GARIN1B: variants seen among roughly 807,000 people sequenced by gnomAD.
GARIN1B encodes golgi associated RAB2 interactor 1B.
chr7:128,729,754 C>A, the GARIN1B span: 1 of 798,656 alleles, frequency 1.3e-6, no homozygotes, highest in Non-Finnish European at 2.0e-6. Flanking sequence ...TCTGACCTCA[C>A]AGAGGTGAGG....
At chr7:128,720,734 T>C in the GARIN1B span, among the ~76,000 whole-genome samples, 4 of 152,216 alleles carry the variant, frequency 2.6e-5, no homozygotes, top group East Asian at 7.7e-4. Flanking sequence ...CCTTCCCACA[T>C]TGAATTGTCT....
chr7:128,718,793 A>C, the GARIN1B span: 2 of 1,603,770 alleles, frequency 1.2e-6, no homozygotes, highest in Non-Finnish European at 1.7e-6. Context: ...ATTGGATGCA[A>C]TAGGGTTGTC....
the GARIN1B span, chr7:128,715,282 A>G: frequency 4.1e-6 from 6 of 1,446,284 alleles, no homozygotes; most frequent in Non-Finnish European, 5.4e-6. Flanking sequence ...GCTCCTTTGC[A>G]CTTCCCCTTC....
the GARIN1B span, among the ~76,000 whole-genome samples, chr7:128,713,079 T>A: frequency 6.6e-6 from 1 of 152,108 alleles, no homozygotes; most frequent in African/African-American, 2.4e-5. Flanking sequence ...TCAAGGCGGT[T>A]GGATTACTTA....
At chr7:128,712,968 C>T in the GARIN1B span, among the ~76,000 whole-genome samples, 1 of 152,150 alleles carries the variant, frequency 6.6e-6, no homozygotes, top group African/African-American at 2.4e-5. Context: ...ATCTTTCTTA[C>T]AGGAGACCTG....
At chr7:128,729,785 C>T in the GARIN1B span, 65 of 1,082,168 alleles carry the variant, frequency 6.0e-5, 1 homozygote, top group African/African-American at 3.6e-4. Context: ...CATGAATGCA[C>T]GTAATTGTTT....
At chr7:128,713,883 A>G in the GARIN1B span, 5 of 987,580 alleles carry the variant, frequency 5.1e-6, no homozygotes, top group South Asian at 7.2e-5. Flanking sequence ...GTATCAATTT[A>G]TTAATTACTA....
At chr7:128,731,184 G>A in the GARIN1B span, 17 of 1,369,808 alleles carry the variant, frequency 1.2e-5, no homozygotes, top group Non-Finnish European at 1.8e-5. Context: ...CAGCTGCTGA[G>A]GGATTATCGG....
chr7:128,730,712 T>G, the GARIN1B span, among the ~76,000 whole-genome samples: 1 of 152,028 alleles, frequency 6.6e-6, no homozygotes, highest in African/African-American at 2.4e-5. Flanking sequence ...AGTGGCATGA[T>G]CTTGGCTCAC....
the GARIN1B span, among the ~76,000 whole-genome samples, chr7:128,714,620 C>G: frequency 5.9e-5 from 9 of 151,904 alleles, 1 homozygote; most frequent in East Asian, 1.7e-3. Context: ...AATTAGAAAA[C>G]AGTTTCTCCC....
At chr7:128,720,216 T>TA in the GARIN1B span, among the ~76,000 whole-genome samples, 5 of 151,548 alleles carry the variant, frequency 3.3e-5, no homozygotes, top group Non-Finnish European at 7.4e-5. Flanking sequence ...TTTTTTTTTT[T>TA]TTGAAACAGT....
At chr7:128,712,882 T>C in the GARIN1B span, among the ~76,000 whole-genome samples, 1 of 152,234 alleles carries the variant, frequency 6.6e-6, no homozygotes, top group Non-Finnish European at 1.5e-5. Context: ...AAGTTATTGG[T>C]AAATAATTTT....
chr7:128,714,914 G>A, the GARIN1B span, among the ~76,000 whole-genome samples: 3 of 152,070 alleles, frequency 2.0e-5, no homozygotes, highest in Non-Finnish European at 4.4e-5. Context: ...AGCCTGCCGC[G>A]GCAGAATGCA....
chr7:128,725,700 A>C, the GARIN1B span, among the ~76,000 whole-genome samples: 8 of 152,302 alleles, frequency 5.3e-5, no homozygotes, highest in Non-Finnish European at 1.2e-4. Flanking sequence ...TTACTATTTA[A>C]AGAACCGTTT....
chr7:128,711,192 G>C, the GARIN1B span, among the ~76,000 whole-genome samples: 1 of 151,922 alleles, frequency 6.6e-6, no homozygotes, highest in African/African-American at 2.4e-5. Context: ...ATCTTACGGA[G>C]ATCTCGTGAT....
chr7:128,728,151 T>C, the GARIN1B span, among the ~76,000 whole-genome samples: 40,217 of 152,046 alleles, frequency 0.26, 5,887 homozygotes, highest in Non-Finnish European at 0.33. Flanking sequence ...GTGGTATAAA[T>C]GGGTAAAGGG....
At chr7:128,718,640 G>A in the GARIN1B span, among the ~76,000 whole-genome samples, 77 of 152,284 alleles carry the variant, frequency 5.1e-4, no homozygotes, top group Admixed American at 1.0e-3. Context: ...GTGTCTTCAG[G>A]TGTCTGCATT....
chr7:128,712,394 G>A, the GARIN1B span, among the ~76,000 whole-genome samples: 22 of 152,108 alleles, frequency 1.4e-4, 1 homozygote, highest in East Asian at 1.9e-3. Context: ...TCACTGTTTT[G>A]CAACCATCAC....
chr7:128,730,566 G>GA, the GARIN1B span, among the ~76,000 whole-genome samples: 1 of 152,124 alleles, frequency 6.6e-6, no homozygotes, highest in African/African-American at 2.4e-5. Flanking sequence ...CTTCCTATGT[G>GA]CCTCTGTTTG....
Sources: gnomAD v4.1 joint callset for allele counts (sites outside exome capture counted in the v4.1 genomes callset) on GRCh38, gnomAD v4.1.1 for gene constraint, MANE v1.5 for transcripts, NCBI Gene and HGNC (gene_info 2026-07-23, HGNC 2026-07-21) for gene names.